Variants in NUP214 observed in about 807,000 individuals in gnomAD.
NUP214 encodes the protein nuclear pore complex protein Nup214.
A neutral mutation model predicts 196.2 loss-of-function variants in NUP214; 79 were observed. The observed-to-expected ratio is 0.40, with a 90% confidence interval of 0.34 to 0.49. The LOEUF (loss-of-function observed/expected upper bound fraction) is 0.49. NUP214 is among the 20% of genes least tolerant of loss of function. The pLI is 0.58. For missense variants in NUP214, 2,468 were observed against 2,539.0 expected (o/e 0.97, Z 0.60); for synonymous variants, 1,020 against 990.5 (o/e 1.03, Z -0.56).
intron 24 of NUP214, among the ~76,000 whole-genome samples, chr9:131,182,744 T>C (rs946865959): frequency 6.6e-6 from 1 of 152,238 alleles, no homozygotes. Flanking sequence ...GGTTTAAATC[T>C]GTTATATAGC....
At position 131,232,265 on chromosome 9, in the gene NUP214, C is replaced by A. The variant is rs772959662; in HGVS notation, c.6215-19C>A. ...CGAGTGGATGCGTGCTTTAACTTCA[C>A]TCTTATTCTGCTTTTCAGGGTTCAG... On this transcript the variant is annotated intron_variant, in intron 34 of 35. Coordinates refer to ENST00000359428, the MANE Select transcript of NUP214 (RefSeq NM_005085.4). The surrounding 1 kb of genome is among the most constrained non-coding windows in gnomAD (Gnocchi z 5.1). 2.5e-6 allele frequency: 4 copies of A among 1,614,036 alleles called. No individual in the cohort carries two copies. In the South Asian group the frequency reaches 3.3e-5, roughly 13 times the overall value.
intron 33 of NUP214, chr9:131,229,766 A>G (rs1394530761): frequency 1.9e-6 from 1 of 518,792 alleles, no homozygotes. Context: ...GAGAAAGTCC[A>G]ATGAGAGCAG....
At chr9:131,131,828 A>G (rs1025645977) in intron 5 of NUP214, among the ~76,000 whole-genome samples, 4 of 151,910 alleles carry the variant, frequency 2.6e-5, no homozygotes, top group Admixed American at 6.6e-5. Flanking sequence ...AGCTGAGACT[A>G]CAGGCACTTG....
Position 131,146,377 on chromosome 9 carries a change from C to T in NUP214, c.1945+73C>T, listed in dbSNP as rs928588959. The T allele has an allele frequency of 4.5e-5, 64 of 1,432,580 alleles. No homozygotes were observed. The Middle Eastern group carries it at 7.2e-4, about 16-fold the overall frequency. The allele number at this position is 1,432,580 out of a possible 1,614,324, so 88.7% of individuals were successfully genotyped here. The stretch of plus-strand genomic sequence containing the variant: ...ATTAACGGTTTTAAGTGTTAAGAGT[C>T]GTAGCTAACATAGTTGGACAAGGTT... On this transcript the variant is annotated intron_variant, in intron 13 of 35. Coordinates refer to ENST00000359428, the MANE Select transcript of NUP214 (RefSeq NM_005085.4). This position sits in a 1 kb window ranked among gnomAD's most constrained non-coding sequence, Gnocchi z 4.6.
At chr9:131,142,743 A>G (rs1291807993) in intron 11 of NUP214, among the ~76,000 whole-genome samples, 1 of 152,208 alleles carries the variant, frequency 6.6e-6, no homozygotes, top group African/African-American at 2.4e-5. Flanking sequence ...GTTTGCTTGC[A>G]TTATTATACT....
intron 29 of NUP214, among the ~76,000 whole-genome samples, chr9:131,200,742 C>G (rs1357037801): frequency 3.3e-5 from 5 of 151,844 alleles, no homozygotes; most frequent in African/African-American, 9.7e-5. Flanking sequence ...GAGTAGAACT[C>G]CTGCCTTCTC....
At chr9:131,128,826 C>T (rs1057114541) in intron 3 of NUP214, 1 of 281,380 alleles carries the variant, frequency 3.6e-6, no homozygotes, top group African/African-American at 2.2e-5. Context: ...TTTATACTGA[C>T]TGTGTGTGTT....
Position 131,130,757 on chromosome 9 carries a change from T to C in NUP214, c.593-9T>C. ...CTTGTTTTCATTTGGTAATACTGTC[T>C]TTGCTCAGTGTGCTGGAGCCCCAAA... On this transcript the variant is annotated splice_polypyrimidine_tract_variant and intron_variant, in intron 4 of 35. Coordinates refer to ENST00000359428, the MANE Select transcript of NUP214 (RefSeq NM_005085.4). 2 of 1,613,876 alleles carry C rather than the reference T, an allele frequency of 1.2e-6. No homozygotes were observed. The highest frequency in any genetic ancestry group is 1.3e-5 in the African/African-American group (1 of 75,052).
At position 131,191,982 on chromosome 9, in the gene NUP214, G is replaced by A. The variant is rs147107193; in HGVS notation, c.3575-226G>A. On this transcript the variant is annotated intron_variant, in intron 26 of 35. Transcript: ENST00000359428. Reference sequence around the variant, plus strand: ...GTAAAGGAGAAGATGGCACACCTTAGACTGGAATTAACATTGACAGAGCCA... The same window carrying A: ...GTAAAGGAGAAGATGGCACACCTTAAACTGGAATTAACATTGACAGAGCCA... 28 of 408,126 alleles carry A rather than the reference G, an allele frequency of 6.9e-5. No individual in the cohort carries two copies. In the East Asian group the frequency reaches 1.1e-3, roughly 16 times the overall value. 25.3% of individuals were successfully genotyped at this position (408,126 alleles called of 1,614,324 possible).
chr9:131,233,836 G>T lies in NUP214; in HGVS notation c.*349G>T. ...ATGGCATCAGAAGTCACCAGCGTCG[G>T]GTGTTGATAAACAGCATCGAATGTG... is the stretch of plus-strand genomic sequence containing the variant. On this transcript the variant is annotated 3_prime_UTR_variant, in exon 36 of 36. Transcript: ENST00000359428. The T allele has an allele frequency of 2.5e-6, 1 of 405,136 alleles. No homozygotes were observed. Among genetic ancestry groups the T allele is most frequent in the Non-Finnish European group, 4.6e-6 (1 of 215,076 alleles). The allele number at this position is 405,136 out of a possible 1,614,324, so 25.1% of individuals were successfully genotyped here. A position where few individuals can be genotyped will look rare whatever the true frequency, so the allele number is the denominator to read the frequency against.
intron 17 of NUP214, 101 bp downstream of exon 17, chr9:131,151,995 A>G (rs1832283664): frequency 4.4e-6 from 4 of 909,916 alleles, no homozygotes; most frequent in Non-Finnish European, 4.7e-6. Flanking sequence ...GCTCTTTTTG[A>G]AGTTGTTGAT....
intron 28 of NUP214, chr9:131,195,548 G>T: frequency 2.6e-6 from 1 of 382,154 alleles, no homozygotes; most frequent in Non-Finnish European, 4.7e-6. Context: ...ACATTTAAAT[G>T]TTAACATGTG....
In NUP214 at chr9:131,221,266, T is replaced by A. The variant is rs191697280; in HGVS notation, c.5750-1512T>A. On this transcript the variant is annotated intron_variant, in intron 31 of 35. Transcript: ENST00000359428. ...CAAAGGGATTTCTTAACCACCCAGC[T>A]GCCAGTACCTGACATACCTGACATG... 1.8e-3 allele frequency among the ~76,000 whole-genome samples: 275 copies of A among 152,340 alleles called. 1 individual carries two copies. Among genetic ancestry groups the A allele is most frequent in the Non-Finnish European group, 3.3e-3 (224 of 68,032 alleles).
At chr9:131,150,206 CAAT>C (rs1406945965) in intron 14 of NUP214, 115 bp from the exon 15 acceptor site, 1 of 804,150 alleles carries the variant, frequency 1.2e-6, no homozygotes, top group Non-Finnish European at 2.0e-6. Flanking sequence ...GGATTCGTTA[CAAT>C]GAGTGAAGAA....
At chr9:131,177,367 A>AATC (rs762756315) in intron 23 of NUP214, among the ~76,000 whole-genome samples, 5 of 152,192 alleles carry the variant, frequency 3.3e-5, no homozygotes, top group Non-Finnish European at 7.3e-5. Flanking sequence ...ACAGGCCTGA[A>AATC]ATCAAGTTGA....
chr9:131,192,376 T>C, intron 27 of NUP214, 84 bp downstream of exon 27: 2 of 826,974 alleles, frequency 2.4e-6, no homozygotes, highest in South Asian at 1.7e-5. Flanking sequence ...TTTATTTACT[T>C]ATTAAATGTG....
In NUP214 at chr9:131,144,391, C is replaced by A. The variant is rs1013358200; in HGVS notation, c.1406C>A (p.Thr469Asn). The stretch of plus-strand genomic sequence containing the variant: ...TCATCACCTGCTGCTCCCATTGCCA[C>A]TTTTTCTTTGCTTCCTGCTGGTGGA... ...PPSSPAAPIATFSLLPAGGAP... is the reference protein window; with the variant it reads ...PPSSPAAPIANFSLLPAGGAP... Residue 469 changes from threonine (T) to asparagine (N), a missense_variant, in exon 12 of 36, where the codon ACT (threonine) becomes AAT (asparagine). Transcript: ENST00000359428. The A allele has an allele frequency of 1.9e-6, 3 of 1,614,076 alleles. No homozygotes were observed. The African/African-American group carries it at 4.0e-5, about 22-fold the overall frequency.
chr9:131,129,157 T>C lies in NUP214; in HGVS notation c.394-122T>C, dbSNP rs569242070. The C allele has an allele frequency of 3.7e-5, 30 of 818,456 alleles. No homozygotes were observed. The East Asian group carries it at 7.4e-4, about 20-fold the overall frequency. The allele number at this position is 818,456 out of a possible 1,614,324, so 50.7% of individuals were successfully genotyped here. On this transcript the variant is annotated intron_variant, in intron 3 of 35. Coordinates refer to ENST00000359428, the MANE Select transcript of NUP214 (RefSeq NM_005085.4). ...TGCATAAAACAATCTTTTTTTATGGTTATGGAGAAAAATAAACTGATTTGA... is the reference window on the plus strand; with the variant it reads ...TGCATAAAACAATCTTTTTTTATGGCTATGGAGAAAAATAAACTGATTTGA...
intron 26 of NUP214, 148 bp from the exon 27 acceptor site, chr9:131,192,060 A>G (rs1191481255): frequency 1.9e-6 from 1 of 519,418 alleles, no homozygotes; most frequent in East Asian, 3.2e-5. Flanking sequence ...CTCACTCCCC[A>G]TGGCCACTGA....
Sources: allele counts gnomAD v4.1 joint callset (sites outside exome capture counted in the v4.1 genomes callset), GRCh38; gene constraint gnomAD v4.1.1; non-coding constraint Gnocchi (gnomAD v3.1); transcripts MANE v1.5; gene names NCBI Gene and HGNC (gene_info 2026-07-23, HGNC 2026-07-21).